Variants in ZNF215 observed in about 807,000 individuals in gnomAD.
ZNF215 encodes BWSCR2-associated zinc finger protein 2.
A neutral mutation model predicts 27.2 loss-of-function variants in ZNF215; 24 were observed. The ratio of observed to expected loss-of-function variants is 0.88; its 90% CI spans 0.64 to 1.24. The LOEUF (loss-of-function observed/expected upper bound fraction) is 1.24. Ranked by LOEUF, ZNF215 falls within the 50% of genes most tolerant of loss-of-function variation. The pLI is 0.00. For missense variants in ZNF215, 675 were observed against 605.7 expected, an observed-to-expected ratio of 1.11 and a Z score of -1.20; for synonymous variants, 210 against 204.0, an observed-to-expected ratio of 1.03 and a Z score of -0.25.
At chr11:6,977,277 C>T (rs1850852877) in intron 5 of ZNF215, among the ~76,000 whole-genome samples, 1 of 152,054 alleles carries the variant, frequency 6.6e-6, no homozygotes, top group African/African-American at 2.4e-5. Flanking sequence ...ATTTTGCTCT[C>T]CTGCTCTGTC....
At chr11:6,981,114 G>A (rs1850942481) in intron 5 of ZNF215, among the ~76,000 whole-genome samples, 1 of 150,966 alleles carries the variant, frequency 6.6e-6, no homozygotes, top group Admixed American at 6.6e-5. Flanking sequence ...TAGTCCTTTG[G>A]GTATATACCC....
chr11:6,980,238 A>G (rs1850919640), intron 5 of ZNF215, among the ~76,000 whole-genome samples: 1 of 152,106 alleles, frequency 6.6e-6, no homozygotes, highest in South Asian at 2.1e-4. Flanking sequence ...AATTAAAAAT[A>G]CAGCTTATTT....
At chr11:6,928,145 C>T (rs909428752) in intron 2 of ZNF215, among the ~76,000 whole-genome samples, 1 of 151,526 alleles carries the variant, frequency 6.6e-6, no homozygotes, top group African/African-American at 2.4e-5. Context: ...TTCCACTACT[C>T]TTGTTTACCA....
intron 5 of ZNF215, among the ~76,000 whole-genome samples, chr11:6,979,352 A>G (rs1850901836): frequency 1.3e-5 from 2 of 151,844 alleles, no homozygotes; most frequent in Admixed American, 6.6e-5. Flanking sequence ...TGATTGTGGT[A>G]TATTAGAACA....
At chr11:6,980,872 T>C (rs1057114816) in intron 5 of ZNF215, among the ~76,000 whole-genome samples, 3 of 150,998 alleles carry the variant, frequency 2.0e-5, no homozygotes, top group African/African-American at 7.3e-5. Flanking sequence ...TGGTTTTTTG[T>C]TCTTGTGATA....
chr11:6,986,724 T>C (rs1851058484), downstream of ZNF215, among the ~76,000 whole-genome samples: 1 of 152,032 alleles, frequency 6.6e-6, no homozygotes, highest in Non-Finnish European at 1.5e-5. Flanking sequence ...AAAGAAGATA[T>C]ACAAGCAGTC....
intron 6 of ZNF215, among the ~76,000 whole-genome samples, chr11:6,946,973 A>G (rs2133243244): frequency 6.6e-6 from 1 of 152,346 alleles, no homozygotes; most frequent in Middle Eastern, 3.4e-3. Flanking sequence ...TTTTTAATGT[A>G]TTAACATCTT....
intron 2 of ZNF215, among the ~76,000 whole-genome samples, chr11:6,929,527 T>A (rs1849177655): frequency 6.6e-6 from 1 of 152,214 alleles, no homozygotes; most frequent in African/African-American, 2.4e-5. Context: ...TCCTTGTTTC[T>A]GATCATGCTA....
chr11:6,945,348 G>A (rs547348057), intron 6 of ZNF215, among the ~76,000 whole-genome samples: 1 of 152,136 alleles, frequency 6.6e-6, no homozygotes, highest in East Asian at 1.9e-4. Flanking sequence ...GGTCGTTACT[G>A]ATTTTTAAAA....
chr11:6,975,476 T>G (rs1850812947), intron 5 of ZNF215, among the ~76,000 whole-genome samples: 1 of 152,008 alleles, frequency 6.6e-6, no homozygotes, highest in Non-Finnish European at 1.5e-5. Context: ...TATTCTATTT[T>G]TTTTTTGTTC....
chr11:6,954,739 C>T (rs1434085374), intron 6 of ZNF215, among the ~76,000 whole-genome samples: 6 of 152,208 alleles, frequency 3.9e-5, no homozygotes, highest in African/African-American at 7.2e-5. Flanking sequence ...GCACTGCACC[C>T]ACTGTCCTGC....
intron 5 of ZNF215, among the ~76,000 whole-genome samples, chr11:6,981,226 A>C (rs796610699): frequency 4.7e-5 from 7 of 149,278 alleles, no homozygotes; most frequent in South Asian, 4.3e-4. Flanking sequence ...AGTCCCACCA[A>C]CAGTGTAAAA....
chr11:6,971,288 C>G (rs1375395228), intron 5 of ZNF215, among the ~76,000 whole-genome samples: 1 of 152,164 alleles, frequency 6.6e-6, no homozygotes, highest in Admixed American at 6.6e-5. Context: ...TCCTTTCCAT[C>G]ACATCTGTCA....
intron 3 of ZNF215, among the ~76,000 whole-genome samples, chr11:6,933,789 C>T (rs564458933): frequency 6.6e-4 from 44 of 67,010 alleles, no homozygotes; most frequent in African/African-American, 3.1e-3. Context: ...TGCTAGACTC[C>T]ATCTCAAAAA....
chr11:6,993,108 C>T (rs1851135960), downstream of ZNF215, among the ~76,000 whole-genome samples: 1 of 152,174 alleles, frequency 6.6e-6, no homozygotes, highest in South Asian at 2.1e-4. Flanking sequence ...CGCTGTCAGC[C>T]TACCCCCACA....
chr11:6,986,155 A>G (rs1441273107), downstream of ZNF215, among the ~76,000 whole-genome samples: 1 of 152,188 alleles, frequency 6.6e-6, no homozygotes, highest in Non-Finnish European at 1.5e-5. Flanking sequence ...TAACCAAAAT[A>G]GCATGATTCT....
At chr11:6,985,291 G>GA (rs970291493), downstream of ZNF215, among the ~76,000 whole-genome samples, 1 of 151,776 alleles carries the variant, frequency 6.6e-6, no homozygotes, top group African/African-American at 2.4e-5. Flanking sequence ...TAATTAAAAG[G>GA]AAAAAAACTA....
chr11:6,956,291 T>C lies in ZNF215; in HGVS notation c.1314T>C (p.Asn438=), dbSNP rs781623313. 6.2e-7 allele frequency: 1 copy of C among 1,614,134 alleles called. No homozygotes were observed. Among genetic ancestry groups the C allele is most frequent in the Non-Finnish European group, 8.5e-7 (1 of 1,180,016 alleles). ...CTGAAGCAAAGGCCTGCACAAGCAA[T>C]AAATGTGGAAAGGCCTTCAGTAAAA... ...LHAEAKACTS[N]KCGKAFSKSE... is the part of the protein sequence containing the mutation. Residue 438 remains asparagine (N), a synonymous_variant, in exon 7 of 7, where the codon AAT becomes AAC. Transcript: ENST00000278319.
At chr11:6,933,443 A>G (rs537077594) in intron 3 of ZNF215, among the ~76,000 whole-genome samples, 2 of 152,350 alleles carry the variant, frequency 1.3e-5, no homozygotes, top group African/African-American at 4.8e-5. Flanking sequence ...GCTTATATGT[A>G]TGAACACAGA....
Sources: gnomAD v4.1 joint callset for allele counts (sites outside exome capture counted in the v4.1 genomes callset) on GRCh38, gnomAD v4.1.1 for gene constraint, MANE v1.5 for transcripts, NCBI Gene and HGNC (gene_info 2026-07-23, HGNC 2026-07-21) for gene names.